Variants in RARB observed in about 807,000 individuals in gnomAD.
The protein encoded by RARB is retinoic acid receptor beta.
In RARB, 17 loss-of-function variants were observed where a neutral mutation model predicts 51.9. The observed-to-expected ratio is 0.33, with a 90% CI of 0.22 to 0.49. The LOEUF (loss-of-function observed/expected upper bound fraction) is 0.49, where lower values mean the gene tolerates loss of function less well. Among genes scored for constraint, RARB ranks in the 20% least tolerant of loss-of-function variants. RARB has a pLI of 0.99. For synonymous variants in RARB, 215 were observed against 195.4 expected, an observed-to-expected ratio of 1.10 and a Z score of -0.84; for missense variants, 369 against 550.8, an observed-to-expected ratio of 0.67 and a Z score of 3.30.
chr3:25,043,838 G>C (rs1158888978), intron 2 of RARB, among the ~76,000 whole-genome samples: 1 of 152,174 alleles, frequency 6.6e-6, no homozygotes, highest in Non-Finnish European at 1.5e-5. Context: ...GCAATAAAAA[G>C]CAATCATTTC....
chr3:24,903,508 T>C (rs961567622), intron 2 of RARB, among the ~76,000 whole-genome samples: 2 of 152,178 alleles, frequency 1.3e-5, no homozygotes, highest in Non-Finnish European at 2.9e-5. Flanking sequence ...ATATATTTAA[T>C]ATTTTCAACC....
intron 3 of RARB, among the ~76,000 whole-genome samples, chr3:25,546,878 A>G (rs867353699): frequency 3.9e-5 from 6 of 152,334 alleles, no homozygotes; most frequent in Admixed American, 2.6e-4. Context: ...AACATTGCGA[A>G]TATTTCCTCT....
chr3:25,289,799 A>G (rs1214473168), intron 5 of RARB, among the ~76,000 whole-genome samples: 1 of 152,212 alleles, frequency 6.6e-6, no homozygotes, highest in Non-Finnish European at 1.5e-5. Flanking sequence ...TAGCAATGGA[A>G]TAAGTCATAG....
At chr3:25,394,657 C>G (rs1310417140) in intron 5 of RARB, among the ~76,000 whole-genome samples, 4 of 152,068 alleles carry the variant, frequency 2.6e-5, no homozygotes, top group African/African-American at 9.7e-5. Context: ...TGTAATGCCT[C>G]TCTTTGTGTT....
intron 1 of RARB, among the ~76,000 whole-genome samples, chr3:24,853,459 T>C (rs941648478): frequency 1.3e-5 from 2 of 152,210 alleles, no homozygotes; most frequent in Non-Finnish European, 2.9e-5. Context: ...CTTTGAGCCA[T>C]CGTGAATGCT....
chr3:24,896,582 T>C (rs1447802435), intron 2 of RARB, among the ~76,000 whole-genome samples: 1 of 152,132 alleles, frequency 6.6e-6, no homozygotes. Context: ...TTAGTTGAGA[T>C]GATAAGTTCA....
chr3:25,220,008 A>G (rs1166373590), intron 5 of RARB, among the ~76,000 whole-genome samples: 1 of 152,242 alleles, frequency 6.6e-6, no homozygotes, highest in Non-Finnish European at 1.5e-5. Flanking sequence ...TTTGTTCTAA[A>G]GACAGTTATT....
At chr3:25,213,210 A>G (rs1442976282) in intron 5 of RARB, among the ~76,000 whole-genome samples, 2 of 152,028 alleles carry the variant, frequency 1.3e-5, no homozygotes, top group Non-Finnish European at 2.9e-5. Flanking sequence ...CGAGCACCTT[A>G]TTTTCCCACT....
intron 5 of RARB, among the ~76,000 whole-genome samples, chr3:25,206,024 A>T (rs796309682): frequency 6.6e-6 from 1 of 152,214 alleles, no homozygotes; most frequent in Non-Finnish European, 1.5e-5. Context: ...AGGCTAAGCT[A>T]TGATGCTTGG....
At chr3:25,085,235 TAACA>T (rs1699084024) in intron 3 of RARB, among the ~76,000 whole-genome samples, 1 of 152,166 alleles carries the variant, frequency 6.6e-6, no homozygotes, top group Non-Finnish European at 1.5e-5. Flanking sequence ...AGAATTTCTT[TAACA>T]AACATAACAA....
intron 5 of RARB, among the ~76,000 whole-genome samples, chr3:25,375,993 G>C (rs1314261937): frequency 6.6e-6 from 1 of 152,198 alleles, no homozygotes; most frequent in East Asian, 1.9e-4. Flanking sequence ...TAACTCTTCA[G>C]GATTAATGAG....
At chr3:25,454,017 G>A (rs1226154323) in intron 1 of RARB, among the ~76,000 whole-genome samples, 1 of 152,178 alleles carries the variant, frequency 6.6e-6, no homozygotes, top group Non-Finnish European at 1.5e-5. Flanking sequence ...CATGTGTGTG[G>A]AAACCGTTTC....
In RARB at chr3:25,590,085, A is replaced by G. The variant is rs1344366020; in HGVS notation, c.787-3418A>G. 3.3e-5 allele frequency among the ~76,000 whole-genome samples: 5 copies of G among 152,238 alleles called. No homozygotes were observed. In the South Asian group the frequency reaches 8.3e-4, roughly 25 times the overall value. ...GGAGGCTCCTCAGATAAAAGAAGAC[A>G]TTGAGCAGTCTTCCTTCTCAGGCCA... On this transcript the variant is annotated intron_variant, in intron 5 of 7. Transcript: ENST00000330688.
intron 1 of RARB, among the ~76,000 whole-genome samples, chr3:24,843,107 T>C (rs998490999): frequency 2.0e-5 from 3 of 152,228 alleles, no homozygotes; most frequent in Admixed American, 2.0e-4. Flanking sequence ...CAGTATTTTT[T>C]TTAACATTCA....
intron 5 of RARB, among the ~76,000 whole-genome samples, chr3:25,376,284 G>C (rs544033805): frequency 4.6e-5 from 7 of 152,128 alleles, no homozygotes; most frequent in Non-Finnish European, 1.0e-4. Flanking sequence ...AAAGTGCCTA[G>C]TGCATAACAC....
At chr3:24,979,336 G>A (rs1696588213) in intron 2 of RARB, among the ~76,000 whole-genome samples, 6 of 151,112 alleles carry the variant, frequency 4.0e-5, no homozygotes. Context: ...AGTTGTGTGT[G>A]TGTTAAAGTC....
At chr3:25,053,370 G>C (rs1231989085) in intron 2 of RARB, among the ~76,000 whole-genome samples, 2 of 152,142 alleles carry the variant, frequency 1.3e-5, no homozygotes, top group East Asian at 3.8e-4. Flanking sequence ...CTAGGGGTAA[G>C]AATTGGGTTC....
At chr3:25,483,527 CTTTTTTTTT>C (rs199602182) in intron 2 of RARB, among the ~76,000 whole-genome samples, 1 of 113,682 alleles carries the variant, frequency 8.8e-6, no homozygotes, top group Admixed American at 8.7e-5. Flanking sequence ...CATATTTCTT[CTTTTTTTTT>C]TTTTTTTTTT....
At chr3:25,372,274 A>G (rs2125472828) in intron 5 of RARB, among the ~76,000 whole-genome samples, 1 of 152,320 alleles carries the variant, frequency 6.6e-6, no homozygotes, top group Middle Eastern at 3.4e-3. Context: ...TATGTATTGT[A>G]GGATATTTAG....
Sources: allele counts gnomAD v4.1 joint callset (sites outside exome capture counted in the v4.1 genomes callset), GRCh38; gene constraint gnomAD v4.1.1; transcripts MANE v1.5; gene names NCBI Gene and HGNC (gene_info 2026-07-23, HGNC 2026-07-21).